Variants in MDN1 observed in about 807,000 individuals in gnomAD.
MDN1 encodes the protein midasin AAA ATPase 1, also known as midasin.
MDN1 carries 266 observed loss-of-function variants against 669.2 expected under a neutral mutation model. The ratio of observed to expected loss-of-function variants is 0.40; its 90% confidence interval spans 0.36 to 0.44. The LOEUF (loss-of-function observed/expected upper bound fraction) is 0.44, where lower values mean the gene tolerates loss of function less well. Among genes scored for constraint, MDN1 ranks in the 20% least tolerant of loss-of-function variants. The pLI, the probability that MDN1 is intolerant of heterozygous loss-of-function variation, is 1.00. For synonymous variants in MDN1, 2,385 were observed against 2,457.1 expected, an observed-to-expected ratio of 0.97 and a Z score of 0.87; for missense variants, 5,940 against 6,754.0, an observed-to-expected ratio of 0.88 and a Z score of 4.22.
chr6:89,674,621 T>C (rs748251865), intron 78 of MDN1, 32 bp from the exon 79 acceptor site: 16 of 1,504,782 alleles, frequency 1.1e-5, no homozygotes, highest in Admixed American at 2.2e-5. Flanking sequence ...AAAAACACAA[T>C]GAATGGCACC....
At chr6:89,783,995 A>AG (rs1818817889) in intron 9 of MDN1, among the ~76,000 whole-genome samples, 1 of 151,652 alleles carries the variant, frequency 6.6e-6, no homozygotes, top group Non-Finnish European at 1.5e-5. Flanking sequence ...AAAAAAAAAA[A>AG]GAAAAGAAAA....
In MDN1 at chr6:89,642,985, A is replaced by G. The variant is rs550563530; in HGVS notation, c.*1020T>C. 3 of 152,358 alleles carry G rather than the reference A, an allele frequency of 2.0e-5. No individual in the cohort carries two copies. Among genetic ancestry groups the G allele is most frequent in the African/African-American group, 7.2e-5 (3 of 41,578 alleles). The allele number at this position is 152,358 out of a possible 1,614,324, so 9.4% of individuals were successfully genotyped here. ...AGGAGATAGATGATTACATCATGACATACTGCCTACAAAAGAACATTCTGA... is the reference window on the plus strand; with the variant it reads ...AGGAGATAGATGATTACATCATGACGTACTGCCTACAAAAGAACATTCTGA... On this transcript the variant is annotated 3_prime_UTR_variant, in exon 102 of 102. Transcript: ENST00000369393.
Position 89,758,935 on chromosome 6 carries a change from T to G in MDN1, c.2486A>C (p.Lys829Thr). Residue 829 changes from lysine (K) to threonine (T), a missense_variant, in exon 18 of 102, where the codon AAA (lysine) becomes ACA (threonine). Around this residue, in one of 5 missense-constraint regions of MDN1, gnomAD observed 1,203 missense variants for 1,268.9 expected, o/e 0.95. Transcript: ENST00000369393. ...CTCATCCAACAAGATCCACTCTCCT[T>G]TCTTTACAGCCTGAGCTAATGTACC... The part of the protein sequence containing the change: ...VEGTLAQAVK[K>T]GEWILLDEIN... 1.9e-6 allele frequency: 3 copies of G among 1,613,948 alleles called. No individual in the cohort carries two copies. Among genetic ancestry groups the G allele is most frequent in the Non-Finnish European group, 2.5e-6 (3 of 1,179,802 alleles).
chr6:89,683,790 T>C (rs376302734), intron 72 of MDN1, 41 bp downstream of exon 72: 103 of 1,487,348 alleles, frequency 6.9e-5, no homozygotes, highest in Non-Finnish European at 1.1e-5. Context: ...CACAAAATTC[T>C]ATTCTATTTT....
intron 95 of MDN1, among the ~76,000 whole-genome samples, chr6:89,651,726 T>C (rs750662539): frequency 1.4e-4 from 22 of 152,352 alleles, no homozygotes; most frequent in Middle Eastern, 6.8e-3. Context: ...AATACATATA[T>C]GTGGTGGGAG....
At chr6:89,788,258 T>C (rs904453725) in intron 7 of MDN1, among the ~76,000 whole-genome samples, 1 of 152,030 alleles carries the variant, frequency 6.6e-6, no homozygotes, top group Admixed American at 6.6e-5. Context: ...GCATGCAAAT[T>C]CCCACACAGC....
rs142072674 is a variant in MDN1, at chr6:89,817,574, G to GT, written c.102+1931_102+1932insA. On this transcript the variant is annotated intron_variant, in intron 1 of 101. Coordinates refer to ENST00000369393, the MANE Select transcript of MDN1 (RefSeq NM_014611.3). ...CTTCCAGAACAAACAAGTTAACTGA[G>GT]CAGGGCATAGAAGAGAGATGTAGCC... Among the ~76,000 whole-genome samples the GT allele has an allele frequency of 8.1e-3, 1,228 of 152,296 alleles. 17 individuals are homozygous for GT. Among genetic ancestry groups the GT allele is most frequent in the African/African-American group, 0.028 (1,170 of 41,572 alleles).
At chr6:89,663,956 AG>A (rs1385905865) in intron 85 of MDN1, among the ~76,000 whole-genome samples, 1 of 136,766 alleles carries the variant, frequency 7.3e-6, no homozygotes. Context: ...AAAAAAAAAA[AG>A]AAAGAAAGAA....
At chr6:89,645,882 G>T (rs1026295622) in intron 100 of MDN1, among the ~76,000 whole-genome samples, 4 of 152,186 alleles carry the variant, frequency 2.6e-5, no homozygotes, top group African/African-American at 9.7e-5. Context: ...TTTTGGAAAA[G>T]AACTAAATAA....
rs1241055792 is a variant in MDN1 at position 89,734,690 on chromosome 6, CAAGAGA to C, written c.4724-1921_4724-1916del. Reference sequence around the variant, plus strand: ...AAGAAGAAAAAAAAAAAAAAAAAAACAAGAGAGAGAGAGAGAGAGAGAGAGAACTCC... The same window carrying C: ...AAGAAGAAAAAAAAAAAAAAAAAAACGAGAGAGAGAGAGAGAGAGAACTCC... On this transcript the variant is annotated intron_variant, in intron 33 of 101. Coordinates refer to ENST00000369393, the MANE Select transcript of MDN1 (RefSeq NM_014611.3). Among the ~76,000 whole-genome samples the C allele has an allele frequency of 1.2e-3, 133 of 112,870 alleles. 2 individuals carry two copies. The highest frequency in any genetic ancestry group is 4.1e-3 in the African/African-American group (119 of 28,930). The allele number at this position is 112,870 out of a possible 152,430, so 74.0% of individuals were successfully genotyped here.
chr6:89,768,734 C>T (rs4706351), intron 15 of MDN1, among the ~76,000 whole-genome samples: 27,047 of 151,308 alleles, frequency 0.18, 2,451 homozygotes, highest in East Asian at 0.22. Context: ...GAGACCCTGT[C>T]CCCCCCCAAA....
chr6:89,686,677 A>T lies in MDN1; in HGVS notation c.11572+225T>A, dbSNP rs191341048. Among the ~76,000 whole-genome samples, 251 of 152,354 alleles carry T rather than the reference A, an allele frequency of 1.6e-3. 2 individuals carry two copies. Among genetic ancestry groups the T allele is most frequent in the African/African-American group, 4.6e-3 (191 of 41,586 alleles). ...CGACTGGTTCTCTAGACTTTTGGAG[A>T]AGACATTTAAACCTCTCACACTTTT... On this transcript the variant is annotated intron_variant, in intron 69 of 101. Coordinates refer to ENST00000369393, the MANE Select transcript of MDN1 (RefSeq NM_014611.3).
At chr6:89,816,561 T>C (rs1768849098) in intron 1 of MDN1, among the ~76,000 whole-genome samples, 1 of 151,842 alleles carries the variant, frequency 6.6e-6, no homozygotes, top group Non-Finnish European at 1.5e-5. Flanking sequence ...CCTATCTCTT[T>C]AAAAAATAAT....
intron 7 of MDN1, among the ~76,000 whole-genome samples, chr6:89,788,803 G>C (rs1158454317): frequency 6.6e-6 from 1 of 152,194 alleles, no homozygotes; most frequent in Non-Finnish European, 1.5e-5. Context: ...ATAAGCCAGT[G>C]CTAAGACAAT....
In MDN1 at chr6:89,673,967, C is replaced by T. The variant is rs1332027946; in HGVS notation, c.13247+137G>A. 5.3e-5 allele frequency: 40 copies of T among 752,078 alleles called. 1 individual carries two copies. The South Asian group carries it at 7.9e-4, about 15-fold the overall frequency. 46.6% of individuals were successfully genotyped at this position (752,078 alleles called of 1,614,324 possible). ...CCCCACCCCACCCCATCCCCCAAAC[C>T]GACGAGTTCCCTAGGTTCCAGGGCT... On this transcript the variant is annotated intron_variant, in intron 79 of 101. Coordinates refer to ENST00000369393, the MANE Select transcript of MDN1 (RefSeq NM_014611.3).
Position 89,673,464 on chromosome 6 carries a change from T to C in MDN1, c.13248-2A>G. ...GAAGAGCAAACTTCAAAATCTTTCC[T>C]GCAACAGAAATGCCACAATGTTGAA... On this transcript the variant is annotated splice_acceptor_variant, in intron 79 of 101. Coordinates refer to ENST00000369393, the MANE Select transcript of MDN1 (RefSeq NM_014611.3). LOFTEE classifies it high-confidence loss of function. The C allele has an allele frequency of 6.2e-7, 1 of 1,613,958 alleles. No homozygotes were observed. Among genetic ancestry groups the C allele is most frequent in the Non-Finnish European group, 8.5e-7 (1 of 1,179,892 alleles).
chr6:89,772,679 G>A lies in MDN1; in HGVS notation c.1977C>T (p.Leu659=), dbSNP rs1584348595. 6.2e-7 allele frequency: 1 copy of A among 1,614,042 alleles called. No homozygotes were observed. The highest frequency in any genetic ancestry group is 2.2e-5 in the East Asian group (1 of 44,874). The change falls in exon 14 of 102, where the codon CTC becomes CTT. Residue 659 remains leucine, a synonymous_variant. Transcript: ENST00000369393. ...TGACACACACTGCAAGCTGCTCGAT[G>A]AGAACAGAGGACGGCCGTGTAGCAG... ...TFAATRPSSV[L]IEQLAVCVSK...
chr6:89,688,240 G>T, intron 66 of MDN1, 67 bp from the exon 67 acceptor site: 2 of 1,409,876 alleles, frequency 1.4e-6, no homozygotes, highest in Non-Finnish European at 1.0e-6. Flanking sequence ...GGGTACTGAA[G>T]AGAGTCCTGA....
chr6:89,716,835 C>T, intron 43 of MDN1, 26 bp from the exon 44 acceptor site: 1 of 1,575,072 alleles, frequency 6.3e-7, no homozygotes, highest in Non-Finnish European at 8.6e-7. Flanking sequence ...GAAGAATCAC[C>T]ATCCACAGCA....
Sources: gnomAD v4.1 joint callset for allele counts (sites outside exome capture counted in the v4.1 genomes callset) on GRCh38, gnomAD v4.1.1 for gene constraint, gnomAD v4.1.1 regional missense constraint, MANE v1.5 for transcripts, NCBI Gene and HGNC (gene_info 2026-07-23, HGNC 2026-07-21) for gene names.